Variants in ASAP1 observed in about 807,000 individuals in gnomAD.
The protein encoded by ASAP1 is arf-GAP with SH3 domain, ANK repeat and PH domain-containing protein 1.
ASAP1 carries 43 observed loss-of-function variants against 145.2 expected under a neutral mutation model. The ratio of observed to expected loss-of-function variants is 0.30; its 90% CI spans 0.23 to 0.38. The LOEUF (loss-of-function observed/expected upper bound fraction) is 0.38. Among genes scored for constraint, ASAP1 ranks in the 10% least tolerant of loss-of-function variants. The pLI is 1.00. For missense variants in ASAP1, 1,018 were observed against 1,355.3 expected (o/e 0.75, Z 3.91); for synonymous variants, 546 against 515.5 (o/e 1.06, Z -0.80).
intron 27 of ASAP1, among the ~76,000 whole-genome samples, chr8:130,072,824 T>TGTGTGTGTGTGTGTGTGTACGCGCGCGC: frequency 3.1e-5 from 1 of 32,282 alleles, no homozygotes; most frequent in Admixed American, 3.6e-4. Flanking sequence ...TGTGTGTGTG[T>TGTGTGTGTGTGTGTGTGTACGCGCGCGC]GCGCGCGGGG....
intron 1 of ASAP1, among the ~76,000 whole-genome samples, chr8:130,409,687 C>T (rs1829182411): frequency 1.3e-5 from 2 of 152,288 alleles, no homozygotes; most frequent in South Asian, 2.1e-4. Context: ...TTGGCTCTGC[C>T]CCCAACCGCC....
At chr8:130,229,535 T>C (rs1817783494) in intron 4 of ASAP1, among the ~76,000 whole-genome samples, 1 of 152,228 alleles carries the variant, frequency 6.6e-6, no homozygotes, top group Non-Finnish European at 1.5e-5. Context: ...AAGGTGGTCC[T>C]TAACAGTCAT....
At chr8:130,072,793 ATGTGTGTGTGTGTG>A (rs1206526066) in intron 27 of ASAP1, among the ~76,000 whole-genome samples, 1 of 102,606 alleles carries the variant, frequency 9.7e-6, no homozygotes, top group African/African-American at 3.5e-5. Context: ...TGCAATTGAT[ATGTGTGTGTGTGTG>A]TGTGTGTGTG....
intron 2 of ASAP1, among the ~76,000 whole-genome samples, chr8:130,395,054 G>A (rs1565279250): frequency 1.3e-5 from 2 of 152,196 alleles, no homozygotes; most frequent in African/African-American, 2.4e-5. Flanking sequence ...TAGCAAGAAA[G>A]AGCATTTCCC....
chr8:130,374,599 T>G (rs1827391077), intron 2 of ASAP1, among the ~76,000 whole-genome samples: 2 of 152,260 alleles, frequency 1.3e-5, no homozygotes, highest in African/African-American at 2.4e-5. Context: ...CAAGCTTACA[T>G]ACTTGTCGAC....
chr8:130,328,678 T>C lies in ASAP1; in HGVS notation c.186+29339A>G, dbSNP rs928475517. Among the ~76,000 whole-genome samples, 10 of 151,520 alleles carry C rather than the reference T, an allele frequency of 6.6e-5. 1 individual carries two copies. On this transcript the variant is annotated intron_variant, in intron 3 of 29. Coordinates refer to ENST00000518721, the MANE Select transcript of ASAP1 (RefSeq NM_018482.4). ...CAGGTTGGAGTGCACTGGAGTACAG[T>C]GGTGTGATCATAGCTCACTGCAGCC... is the stretch of plus-strand genomic sequence containing the variant.
chr8:130,235,897 G>A (rs1384550765), intron 4 of ASAP1, among the ~76,000 whole-genome samples: 1 of 152,060 alleles, frequency 6.6e-6, no homozygotes, highest in Non-Finnish European at 1.5e-5. Flanking sequence ...AAATTAAGAG[G>A]AACATGCATT....
intron 18 of ASAP1, among the ~76,000 whole-genome samples, chr8:130,122,808 G>A (rs1489813031): frequency 6.6e-6 from 1 of 152,240 alleles, no homozygotes; most frequent in Non-Finnish European, 1.5e-5. Context: ...AAGCTGACCA[G>A]GTGGCGCTGA....
chr8:130,196,134 G>A (rs1471198722), intron 5 of ASAP1, among the ~76,000 whole-genome samples: 1 of 152,192 alleles, frequency 6.6e-6, no homozygotes, highest in African/African-American at 2.4e-5. Context: ...CTGAGGTCAG[G>A]AGTTCGAGAC....
At chr8:130,227,711 A>G (rs893502471) in intron 4 of ASAP1, among the ~76,000 whole-genome samples, 1 of 151,156 alleles carries the variant, frequency 6.6e-6, no homozygotes, top group Non-Finnish European at 1.5e-5. Context: ...CATATTGTTT[A>G]TATAAATCAA....
At chr8:130,250,475 T>C (rs1356566000) in intron 3 of ASAP1, among the ~76,000 whole-genome samples, 1 of 152,190 alleles carries the variant, frequency 6.6e-6, no homozygotes, top group African/African-American at 2.4e-5. Context: ...TTGCTTCATG[T>C]TCCTAGTTTC....
At chr8:130,395,736 G>A (rs1370501834) in intron 2 of ASAP1, among the ~76,000 whole-genome samples, 2 of 151,514 alleles carry the variant, frequency 1.3e-5, no homozygotes, top group East Asian at 1.9e-4. Context: ...ATGTGACCTC[G>A]GCTCACTGCA....
chr8:130,287,173 T>A (rs754883405), intron 3 of ASAP1, among the ~76,000 whole-genome samples: 15 of 152,080 alleles, frequency 9.9e-5, no homozygotes, highest in Non-Finnish European at 1.8e-4. Flanking sequence ...GTTCAAGGAC[T>A]GAACTTTACA....
At chr8:130,352,108 C>T (rs150291375) in intron 3 of ASAP1, among the ~76,000 whole-genome samples, 151 of 152,100 alleles carry the variant, frequency 9.9e-4, no homozygotes, top group African/African-American at 3.5e-3. Context: ...GGTTTGTTTG[C>T]CTTTTGTTGT....
At chr8:130,355,170 C>T (rs988781946) in intron 3 of ASAP1, among the ~76,000 whole-genome samples, 2 of 152,178 alleles carry the variant, frequency 1.3e-5, no homozygotes, top group East Asian at 1.9e-4. Flanking sequence ...TGACCCACCA[C>T]GCCCAGCCTT....
At chr8:130,369,772 G>A (rs1827126676) in intron 2 of ASAP1, among the ~76,000 whole-genome samples, 1 of 152,186 alleles carries the variant, frequency 6.6e-6, no homozygotes, top group African/African-American at 2.4e-5. Flanking sequence ...TTGCTGGTAG[G>A]AATGTAAAAT....
Position 130,443,559 on chromosome 8 carries a change from T to G in ASAP1, c.-127A>C, listed in dbSNP as rs1830568268. ...CGAACTGCGACCGGGAAGCGCCGGCTGGGCGGGAGGCGCGGGCCCGGGGCT... is the reference window on the plus strand; with the variant it reads ...CGAACTGCGACCGGGAAGCGCCGGCGGGGCGGGAGGCGCGGGCCCGGGGCT... On this transcript the variant is annotated 5_prime_UTR_variant, in exon 1 of 30. Coordinates refer to ENST00000518721, the MANE Select transcript of ASAP1 (RefSeq NM_018482.4). 6.6e-6 allele frequency: 1 copy of G among 150,826 alleles called. No individual in the cohort carries two copies. Among genetic ancestry groups the G allele is most frequent in the East Asian group, 1.9e-4 (1 of 5,156 alleles). The allele number at this position is 150,826 out of a possible 1,614,324, so 9.3% of individuals were successfully genotyped here.
chr8:130,220,303 T>A (rs1466920149), intron 4 of ASAP1, among the ~76,000 whole-genome samples: 2 of 152,172 alleles, frequency 1.3e-5, no homozygotes, highest in Admixed American at 1.3e-4. Context: ...ATCGTTACAA[T>A]AGCTAGTTTG....
intron 1 of ASAP1, among the ~76,000 whole-genome samples, chr8:130,413,176 C>T (rs1166101136): frequency 1.3e-5 from 2 of 152,186 alleles, no homozygotes; most frequent in Middle Eastern, 6.3e-3. Context: ...ACTTATCTTT[C>T]CTTTAAATCT....
Sources: allele counts gnomAD v4.1 joint callset (sites outside exome capture counted in the v4.1 genomes callset), GRCh38; gene constraint gnomAD v4.1.1; transcripts MANE v1.5; gene names NCBI Gene and HGNC (gene_info 2026-07-23, HGNC 2026-07-21).